RAB11FIP5: variants seen among roughly 807,000 people sequenced by gnomAD.
RAB11FIP5 encodes RAB11 family interacting protein 5, also known as rab11 family-interacting protein 5.
RAB11FIP5 carries 48 observed loss-of-function variants against 85.1 expected under a neutral mutation model. That is an observed-to-expected ratio of 0.56 (90% CI 0.45 to 0.72). The LOEUF (loss-of-function observed/expected upper bound fraction) is 0.72, where lower values mean the gene tolerates loss of function less well. Among genes scored for constraint, RAB11FIP5 ranks in the 30% least tolerant of loss-of-function variants. The probability of loss-of-function intolerance (pLI) is 0.00; values close to 1 mark genes in which losing one functional copy is unlikely to be tolerated. For synonymous variants in RAB11FIP5, 729 were observed against 727.3 expected (o/e 1.00, Z -0.04); for missense variants, 1,491 against 1,687.0 (o/e 0.88, Z 2.04).
rs547739185 is a variant in RAB11FIP5, at chr2:73,078,178, T to C, written c.3581+1473A>G. On this transcript the variant is annotated intron_variant, in intron 4 of 5. Transcript: ENST00000486777. The surrounding 1 kb of genome is among the most constrained non-coding windows in gnomAD (Gnocchi z 4.4). The stretch of plus-strand genomic sequence containing the variant: ...ATGACCAGTGTAGTATAAAAGTGCC[T>C]TGAATGAGGGGCCAGGAGGCCTTGG... Among the ~76,000 whole-genome samples the C allele has an allele frequency of 5.3e-5, 8 of 152,122 alleles. No individual in the cohort carries two copies. The highest frequency in any genetic ancestry group is 1.2e-4 in the Non-Finnish European group (8 of 67,968).
intron 3 of RAB11FIP5, among the ~76,000 whole-genome samples, chr2:73,082,820 G>A (rs1684013498): frequency 6.6e-6 from 1 of 152,210 alleles, no homozygotes; most frequent in African/African-American, 2.4e-5. Context: ...CTCCAGAGAT[G>A]CGGGCAGGGG....
chr2:73,094,716 C>T (rs1375113958), intron 1 of RAB11FIP5, among the ~76,000 whole-genome samples: 2 of 152,130 alleles, frequency 1.3e-5, no homozygotes, highest in African/African-American at 2.4e-5. Flanking sequence ...GACACTCAAT[C>T]GGTACCCAGG....
At chr2:73,091,891 C>T (rs902096845) in intron 1 of RAB11FIP5, among the ~76,000 whole-genome samples, 1 of 152,164 alleles carries the variant, frequency 6.6e-6, no homozygotes, top group Non-Finnish European at 1.5e-5. Context: ...CGGGTAGGAA[C>T]AGATGGTGCC....
Position 73,108,385 on chromosome 2 carries a change from A to G in RAB11FIP5, c.431+3962T>C, listed in dbSNP as rs545048279. Among the ~76,000 whole-genome samples the G allele has an allele frequency of 2.9e-4, 44 of 152,262 alleles. 1 individual carries two copies. Among genetic ancestry groups the G allele is most frequent in the South Asian group, 1.2e-3 (6 of 4,818 alleles). ...CCGCAGGGACCATTTCACCCTTATCAGGATGAGGGAGAAGGTGGACAGGGG... is the reference window on the plus strand; with the variant it reads ...CCGCAGGGACCATTTCACCCTTATCGGGATGAGGGAGAAGGTGGACAGGGG... On this transcript the variant is annotated intron_variant, in intron 1 of 5. Coordinates refer to ENST00000486777, the MANE Select transcript of RAB11FIP5 (RefSeq NM_001371272.1).
At position 73,078,310 on chromosome 2, in the gene RAB11FIP5, A is replaced by G. The variant is rs1683900866; in HGVS notation, c.3581+1341T>C. 6.6e-6 allele frequency among the ~76,000 whole-genome samples: 1 copy of G among 152,224 alleles called. No individual in the cohort carries two copies. The highest frequency in any genetic ancestry group is 1.5e-5 in the Non-Finnish European group (1 of 68,038). ...TGAGACAGCTCTATTTGGCCCGTCC[A>G]CTTCATAACAGAAGGAACAAGCCCA... is the stretch of plus-strand genomic sequence containing the variant. On this transcript the variant is annotated intron_variant, in intron 4 of 5. Coordinates refer to ENST00000486777, the MANE Select transcript of RAB11FIP5 (RefSeq NM_001371272.1). This position sits in a 1 kb window ranked among gnomAD's most constrained non-coding sequence, Gnocchi z 4.4.
intron 1 of RAB11FIP5, among the ~76,000 whole-genome samples, chr2:73,090,101 C>T (rs10174294): frequency 0.014 from 2,204 of 152,284 alleles, 55 homozygotes; most frequent in African/African-American, 0.051. Flanking sequence ...TCCCAAAAAG[C>T]ATATGAGGTA....
At chr2:73,087,941 C>T in intron 3 of RAB11FIP5, 109 bp downstream of exon 3, 1 of 1,106,786 alleles carries the variant, frequency 9.0e-7, no homozygotes, top group Non-Finnish European at 1.3e-6. Context: ...AGAGCCCCAG[C>T]AGCCTGCCTG....
chr2:73,092,245 C>A (rs1352050883), intron 1 of RAB11FIP5, among the ~76,000 whole-genome samples: 1 of 152,142 alleles, frequency 6.6e-6, no homozygotes, highest in Non-Finnish European at 1.5e-5. Flanking sequence ...CCCAAACCGC[C>A]CAAGCCCTGA....
rs1361131140 is a variant in RAB11FIP5 at position 73,081,510 on chromosome 2, G to GGCA, written c.1719_1721dup (p.Ala574dup). 1 of 1,231,592 alleles carries GGCA rather than the reference G, an allele frequency of 8.1e-7. No homozygotes were observed. The highest frequency in any genetic ancestry group is 1.6e-5 in the African/African-American group (1 of 64,360). The allele number at this position is 1,231,592 out of a possible 1,614,324, so 76.3% of individuals were successfully genotyped here. The stretch of plus-strand genomic sequence containing the variant: ...CGGTGGTGGCGGCAGCGGCAGCAGT[G>GGCA]GCAGCAGCGGGGGAGGCGGCTGCAA... On this transcript the variant is annotated inframe_insertion, in exon 4 of 6. Coordinates refer to ENST00000486777, the MANE Select transcript of RAB11FIP5 (RefSeq NM_001371272.1). The surrounding 1 kb of genome is among the most constrained non-coding windows in gnomAD (Gnocchi z 4.2).
At chr2:73,079,105 T>A (rs1683916956) in intron 4 of RAB11FIP5, among the ~76,000 whole-genome samples, 1 of 152,200 alleles carries the variant, frequency 6.6e-6, no homozygotes, top group Non-Finnish European at 1.5e-5. Context: ...TCTGAAGGTG[T>A]CTGCAGCTTT....
rs1035507808 is a variant in RAB11FIP5 at position 73,090,191 on chromosome 2, G to A, written c.432-876C>T. On this transcript the variant is annotated intron_variant, in intron 1 of 5. Transcript: ENST00000486777. ...CCCATCCGTGGAGACTCAGAGCCAG[G>A]TGTCCAGCCCTCCAAAGCTTAAGTT... 9.9e-5 allele frequency among the ~76,000 whole-genome samples: 15 copies of A among 152,166 alleles called. No individual in the cohort carries two copies. In the East Asian group the frequency reaches 2.9e-3, roughly 29 times the overall value.
intron 3 of RAB11FIP5, among the ~76,000 whole-genome samples, chr2:73,082,099 G>A (rs1354768779): frequency 1.4e-5 from 2 of 147,292 alleles, no homozygotes; most frequent in African/African-American, 2.5e-5. Flanking sequence ...GCAGTGGCGC[G>A]ATCTTGGCTC....
chr2:73,102,236 G>T (rs1684443218), intron 1 of RAB11FIP5, among the ~76,000 whole-genome samples: 1 of 152,024 alleles, frequency 6.6e-6, no homozygotes, highest in Non-Finnish European at 1.5e-5. Flanking sequence ...TTGTATTCTG[G>T]GCCCTGAAAT....
chr2:73,079,793 G>T lies in RAB11FIP5; in HGVS notation c.3439C>A (p.Leu1147Ile). Residue 1147 changes from leucine (L) to isoleucine (I), a missense_variant, in exon 4 of 6, where the codon CTC becomes ATC. Coordinates refer to ENST00000486777, the MANE Select transcript of RAB11FIP5 (RefSeq NM_001371272.1). ...GGGGAGGGCTCATGGGGGCCAGGGA[G>T]TAAGGCTGGCTCCCCTGGTGGTGCA... ...SSAPPGEPAL[L>I]PGPHEPSPPG... The T allele has an allele frequency of 1.6e-6, 2 of 1,232,460 alleles. No homozygotes were observed. Among genetic ancestry groups the T allele is most frequent in the Non-Finnish European group, 2.0e-6 (2 of 988,196 alleles). The allele number at this position is 1,232,460 out of a possible 1,614,324, so 76.3% of individuals were successfully genotyped here. A position where few individuals can be genotyped will look rare whatever the true frequency, so the allele number is the denominator to read the frequency against.
chr2:73,094,300 T>C (rs531787409), intron 1 of RAB11FIP5, among the ~76,000 whole-genome samples: 11 of 152,216 alleles, frequency 7.2e-5, no homozygotes, highest in African/African-American at 1.9e-4. Flanking sequence ...GCACTGGGCT[T>C]AGGAACTCCA....
chr2:73,075,022 G>A lies in RAB11FIP5; in HGVS notation c.*499C>T, dbSNP rs1458898655. The A allele has an allele frequency of 2.8e-6, 1 of 357,550 alleles. No individual in the cohort carries two copies. Among genetic ancestry groups the A allele is most frequent in the Non-Finnish European group, 5.5e-6 (1 of 181,804 alleles). The allele number at this position is 357,550 out of a possible 1,614,324, so 22.1% of individuals were successfully genotyped here. Reference sequence around the variant, plus strand: ...GGGTGTGAGGCTGAAGAGGCTGGTTGCCCGTAACTCACAGACAAACAGGCA... The same window carrying A: ...GGGTGTGAGGCTGAAGAGGCTGGTTACCCGTAACTCACAGACAAACAGGCA... On this transcript the variant is annotated 3_prime_UTR_variant, in exon 6 of 6. Transcript: ENST00000486777. The surrounding 1 kb of genome is among the most constrained non-coding windows in gnomAD (Gnocchi z 4.6).
chr2:73,076,313 C>G, intron 4 of RAB11FIP5, 131 bp from the exon 5 acceptor site: 1 of 902,932 alleles, frequency 1.1e-6, no homozygotes, highest in South Asian at 1.6e-5. Flanking sequence ...GCTGCCCCTA[C>G]AGAGTCAAGG....
intron 1 of RAB11FIP5, among the ~76,000 whole-genome samples, chr2:73,109,809 T>C (rs953199535): frequency 3.9e-5 from 6 of 152,204 alleles, no homozygotes; most frequent in African/African-American, 1.4e-4. Context: ...CTCTAAGTTC[T>C]AGACTGTCTC....
At chr2:73,098,465 C>T (rs998049963) in intron 1 of RAB11FIP5, among the ~76,000 whole-genome samples, 4 of 152,212 alleles carry the variant, frequency 2.6e-5, no homozygotes, top group African/African-American at 7.2e-5. Context: ...GAACAGGGCC[C>T]GGCACACGGG....
Sources: allele counts gnomAD v4.1 joint callset (sites outside exome capture counted in the v4.1 genomes callset), GRCh38; gene constraint gnomAD v4.1.1; non-coding constraint Gnocchi (gnomAD v3.1); transcripts MANE v1.5; gene names NCBI Gene and HGNC (gene_info 2026-07-23, HGNC 2026-07-21).